Variants in CHLSN observed in about 807,000 individuals in gnomAD.
CHLSN encodes protein cholesin.
the CHLSN span, chr7:984,988 C>A: frequency 1.2e-6 from 2 of 1,609,710 alleles, no homozygotes; most frequent in Non-Finnish European, 8.5e-7. Flanking sequence ...GAGGGCTGCC[C>A]GCCAGTTCAC....
the CHLSN span, among the ~76,000 whole-genome samples, chr7:1,064,224 A>C: frequency 6.6e-6 from 1 of 152,176 alleles, no homozygotes; most frequent in Non-Finnish European, 1.5e-5. Context: ...GCTGCAGGGT[A>C]GGAGACCCGA....
At chr7:1,100,080 G>A in the CHLSN span, among the ~76,000 whole-genome samples, 2 of 152,232 alleles carry the variant, frequency 1.3e-5, no homozygotes, top group African/African-American at 4.8e-5. Flanking sequence ...GGGAGGGAGA[G>A]CCTGTGTTCT....
the CHLSN span, among the ~76,000 whole-genome samples, chr7:1,017,019 G>A: frequency 3.1e-4 from 46 of 150,444 alleles, 3 homozygotes; most frequent in Non-Finnish European, 5.6e-4. Context: ...GCAGCACACA[G>A]CAGCGCCCAC....
chr7:1,031,143 A>G, the CHLSN span, among the ~76,000 whole-genome samples: 91 of 152,352 alleles, frequency 6.0e-4, no homozygotes, highest in Admixed American at 1.2e-3. Flanking sequence ...AAGGGCCCCC[A>G]GATAGCTGGT....
At chr7:1,068,023 C>T in the CHLSN span, among the ~76,000 whole-genome samples, 150 of 152,286 alleles carry the variant, frequency 9.8e-4, no homozygotes, top group African/African-American at 3.1e-3. Flanking sequence ...TGCGTTTGGA[C>T]GCTGCAGCAC....
the CHLSN span, among the ~76,000 whole-genome samples, chr7:1,050,958 G>A: frequency 6.6e-6 from 1 of 152,250 alleles, no homozygotes; most frequent in Non-Finnish European, 1.5e-5. Context: ...TGGCGGCCAT[G>A]CCGTCAGAGA....
At chr7:1,000,973 G>A in the CHLSN span, among the ~76,000 whole-genome samples, 1 of 152,210 alleles carries the variant, frequency 6.6e-6, no homozygotes, top group Admixed American at 6.5e-5. Context: ...TGAGTCCCAG[G>A]CCCTCACAAC....
chr7:1,029,491 G>A, the CHLSN span, among the ~76,000 whole-genome samples: 1 of 152,206 alleles, frequency 6.6e-6, no homozygotes, highest in Non-Finnish European at 1.5e-5. Flanking sequence ...TGGAACTCCT[G>A]GACTCATGTG....
chr7:987,175 C>T, the CHLSN span: 19 of 1,566,410 alleles, frequency 1.2e-5, no homozygotes, highest in South Asian at 9.4e-5. Context: ...TGGTCATGGC[C>T]GGGACGGAGA....
the CHLSN span, among the ~76,000 whole-genome samples, chr7:1,038,959 G>A: frequency 1.8e-4 from 13 of 71,712 alleles, 2 homozygotes; most frequent in African/African-American, 7.4e-4. Context: ...CCCCTACTGC[G>A]AAGTGAGGAG....
chr7:1,011,451 CCA>C, the CHLSN span, among the ~76,000 whole-genome samples: 6 of 147,028 alleles, frequency 4.1e-5, no homozygotes, highest in African/African-American at 1.0e-4. Flanking sequence ...CCAAACACGC[CCA>C]CAGACACCCA....
the CHLSN span, among the ~76,000 whole-genome samples, chr7:991,641 G>T: frequency 1.3e-5 from 2 of 152,246 alleles, no homozygotes; most frequent in African/African-American, 2.4e-5. Context: ...GCTTGGCACG[G>T]ATGGGACAGG....
the CHLSN span, among the ~76,000 whole-genome samples, chr7:1,107,522 GC>G: frequency 1.3e-5 from 2 of 152,154 alleles, no homozygotes; most frequent in African/African-American, 4.8e-5. Flanking sequence ...CACAGAATTC[GC>G]CGTGGCTTCC....
chr7:996,242 G>C, the CHLSN span, among the ~76,000 whole-genome samples: 5 of 152,158 alleles, frequency 3.3e-5, no homozygotes, highest in South Asian at 8.3e-4. Context: ...CTGTGACTCT[G>C]CTCTCACAGG....
the CHLSN span, among the ~76,000 whole-genome samples, chr7:1,085,614 CTT>C: frequency 6.6e-6 from 1 of 151,602 alleles, no homozygotes; most frequent in Non-Finnish European, 1.5e-5. Flanking sequence ...AGGAGGATCT[CTT>C]GAGCCCAGGA....
At chr7:995,969 T>C in the CHLSN span, among the ~76,000 whole-genome samples, 1 of 152,148 alleles carries the variant, frequency 6.6e-6, no homozygotes, top group Non-Finnish European at 1.5e-5. Flanking sequence ...ACACGGTCCT[T>C]AGGGTCTCCT....
the CHLSN span, chr7:1,044,771 T>G: frequency 6.6e-6 from 1 of 152,082 alleles, no homozygotes; most frequent in Non-Finnish European, 1.5e-5. Context: ...CTGCGCTTAC[T>G]GGGACCCGGG....
the CHLSN span, among the ~76,000 whole-genome samples, chr7:1,008,959 A>G: frequency 6.6e-6 from 1 of 151,566 alleles, no homozygotes; most frequent in Non-Finnish European, 1.5e-5. Flanking sequence ...CCTCATGCGA[A>G]CACACATGCG....
the CHLSN span, chr7:997,649 T>G: frequency 6.2e-7 from 1 of 1,608,618 alleles, no homozygotes; most frequent in Non-Finnish European, 8.5e-7. Context: ...GCAGCACCTG[T>G]CGGATGCGCT....
Sources: allele counts gnomAD v4.1 joint callset (sites outside exome capture counted in the v4.1 genomes callset), GRCh38; gene constraint gnomAD v4.1.1; transcripts MANE v1.5; gene names NCBI Gene and HGNC (gene_info 2026-07-23, HGNC 2026-07-21).